PCDH15: variants seen among roughly 807,000 people sequenced by gnomAD.
PCDH15 encodes the protein protocadherin related 15.
In PCDH15, 129 loss-of-function variants were observed where a neutral mutation model predicts 178.5. That is an observed-to-expected ratio of 0.72 (90% CI 0.63 to 0.84). The LOEUF (loss-of-function observed/expected upper bound fraction) is 0.84, where lower values mean the gene tolerates loss of function less well. Ranked by LOEUF, PCDH15 falls within the 40% of genes least tolerant of loss-of-function variation. The pLI, the probability that PCDH15 is intolerant of heterozygous loss-of-function variation, is 0.00. For missense variants in PCDH15, 2,230 were observed against 2,099.9 expected (o/e 1.06, Z -1.21); for synonymous variants, 800 against 732.0 (o/e 1.09, Z -1.50).
intron 1 of PCDH15, among the ~76,000 whole-genome samples, chr10:54,789,253 C>A (rs1355058947): frequency 6.6e-6 from 1 of 151,754 alleles, no homozygotes; most frequent in Non-Finnish European, 1.5e-5. Flanking sequence ...TATAAGTTAT[C>A]CAAAAATCTT....
At chr10:55,350,375 G>T (rs1429056353) in intron 2 of PCDH15, among the ~76,000 whole-genome samples, 1 of 150,718 alleles carries the variant, frequency 6.6e-6, no homozygotes. Flanking sequence ...AGGTAGGAAA[G>T]TGCGAATGGG....
intron 28 of PCDH15, among the ~76,000 whole-genome samples, chr10:53,845,523 T>C (rs2077915250): frequency 6.6e-6 from 1 of 151,790 alleles, no homozygotes; most frequent in African/African-American, 2.4e-5. Flanking sequence ...AGTATATATA[T>C]ACAATCAAAT....
intron 1 of PCDH15, among the ~76,000 whole-genome samples, chr10:55,238,365 T>C (rs1457331494): frequency 1.3e-5 from 2 of 152,034 alleles, no homozygotes; most frequent in Non-Finnish European, 2.9e-5. Context: ...TTAGCCAGGA[T>C]GGTCTCGATC....
intron 2 of PCDH15, among the ~76,000 whole-genome samples, chr10:55,379,897 T>C (rs1837491266): frequency 1.3e-5 from 2 of 152,208 alleles, no homozygotes; most frequent in African/African-American, 4.8e-5. Flanking sequence ...GAGAAGGCAG[T>C]TATTCTAGAA....
At chr10:55,531,539 G>T (rs1433429707) in intron 2 of PCDH15, among the ~76,000 whole-genome samples, 1 of 151,880 alleles carries the variant, frequency 6.6e-6, no homozygotes, top group Non-Finnish European at 1.5e-5. Flanking sequence ...TGAAAGCCAC[G>T]CATATTTTTC....
intron 3 of PCDH15, among the ~76,000 whole-genome samples, chr10:54,491,033 G>A (rs963077619): frequency 3.3e-5 from 5 of 152,158 alleles, no homozygotes; most frequent in African/African-American, 7.2e-5. Context: ...TGCAGCAAAT[G>A]TGAACTTTAG....
At chr10:54,020,510 A>G in intron 19 of PCDH15, 94 bp from the exon 20 acceptor site, 1 of 1,213,192 alleles carries the variant, frequency 8.2e-7, no homozygotes, top group Non-Finnish European at 1.2e-6. Context: ...CTAGGACAGC[A>G]TCAATTTAAC....
At chr10:53,953,816 G>A (rs1174885064) in intron 23 of PCDH15, among the ~76,000 whole-genome samples, 1 of 152,110 alleles carries the variant, frequency 6.6e-6, no homozygotes, top group Non-Finnish European at 1.5e-5. Flanking sequence ...CTGAGACGAA[G>A]TCTTGCTCTG....
At chr10:54,613,717 T>C (rs1454328637) in intron 2 of PCDH15, among the ~76,000 whole-genome samples, 6 of 151,904 alleles carry the variant, frequency 3.9e-5, no homozygotes, top group Admixed American at 1.3e-4. Flanking sequence ...GGGGAAAAGA[T>C]TGGCAGAAGC....
At chr10:54,690,397 G>A (rs532584168) in intron 1 of PCDH15, among the ~76,000 whole-genome samples, 1 of 145,362 alleles carries the variant, frequency 6.9e-6, no homozygotes, top group Non-Finnish European at 1.5e-5. Flanking sequence ...TCACTGTAAC[G>A]TCTGCCTCCT....
chr10:55,189,811 A>G (rs1450501545), intron 1 of PCDH15, among the ~76,000 whole-genome samples: 2 of 151,836 alleles, frequency 1.3e-5, no homozygotes, highest in African/African-American at 4.8e-5. Context: ...TTATACATTA[A>G]TGAATGGAGC....
intron 10 of PCDH15, among the ~76,000 whole-genome samples, chr10:54,210,683 G>A (rs994419544): frequency 4.6e-5 from 7 of 152,062 alleles, no homozygotes; most frequent in African/African-American, 1.7e-4. Flanking sequence ...GAAAGAGCAT[G>A]GTCAGTTGAG....
intron 3 of PCDH15, among the ~76,000 whole-genome samples, chr10:54,459,536 G>GA (rs2077040976): frequency 1.3e-5 from 2 of 151,884 alleles, no homozygotes; most frequent in Admixed American, 6.6e-5. Flanking sequence ...GTTATTTGGA[G>GA]AAAAATGACT....
intron 3 of PCDH15, among the ~76,000 whole-genome samples, chr10:54,824,721 C>T (rs1953097929): frequency 6.6e-6 from 1 of 151,992 alleles, no homozygotes. Context: ...AATGATAGAA[C>T]TTTATTTAAC....
chr10:53,922,445 G>A (rs1589433748), intron 25 of PCDH15, among the ~76,000 whole-genome samples: 1 of 152,228 alleles, frequency 6.6e-6, no homozygotes, highest in East Asian at 1.9e-4. Flanking sequence ...AGATTATAAA[G>A]GTTAGAGAAG....
chr10:54,634,483 T>C (rs1172793035), intron 2 of PCDH15, among the ~76,000 whole-genome samples: 1 of 152,066 alleles, frequency 6.6e-6, no homozygotes, highest in South Asian at 2.1e-4. Context: ...GGACTTACTG[T>C]ATTTTATCTA....
intron 2 of PCDH15, among the ~76,000 whole-genome samples, chr10:55,490,122 A>G (rs1840380041): frequency 6.6e-6 from 1 of 151,742 alleles, no homozygotes; most frequent in Non-Finnish European, 1.5e-5. Context: ...GCATGTAAAA[A>G]GGGAAATAAA....
chr10:54,396,759 C>T (rs182062926), intron 3 of PCDH15, among the ~76,000 whole-genome samples: 1 of 151,998 alleles, frequency 6.6e-6, no homozygotes. Context: ...CAGACATATC[C>T]TTCTAAAATG....
chr10:54,260,871 G>A (rs2057268610), intron 8 of PCDH15, among the ~76,000 whole-genome samples: 1 of 152,156 alleles, frequency 6.6e-6, no homozygotes, highest in African/African-American at 2.4e-5. Flanking sequence ...GACCTCAGGT[G>A]ATATGCCCAC....
Sources: gnomAD v4.1 joint callset for allele counts (sites outside exome capture counted in the v4.1 genomes callset) on GRCh38, gnomAD v4.1.1 for gene constraint, MANE v1.5 for transcripts, NCBI Gene and HGNC (gene_info 2026-07-23, HGNC 2026-07-21) for gene names.